Variants in TMEM232 observed in about 807,000 individuals in gnomAD.
TMEM232 encodes transmembrane protein 232.
In TMEM232, 80 loss-of-function variants were observed where a neutral mutation model predicts 78.8. The ratio of observed to expected loss-of-function variants is 1.01; its 90% CI spans 0.85 to 1.22. TMEM232 has a LOEUF of 1.22. Among genes scored for constraint, TMEM232 ranks in the 50% most tolerant of loss-of-function variants. The pLI, the probability that TMEM232 is intolerant of heterozygous loss-of-function variation, is 0.00. For synonymous variants in TMEM232, 297 were observed against 254.3 expected (o/e 1.17, Z -1.60); for missense variants, 881 against 742.2 (o/e 1.19, Z -2.17).
chr5:110,709,630 T>TA (rs1375372191), intron 1 of TMEM232, among the ~76,000 whole-genome samples: 3 of 152,014 alleles, frequency 2.0e-5, no homozygotes, highest in African/African-American at 7.2e-5. Flanking sequence ...CGCACCTGAA[T>TA]AACAAGTGGG....
intron 10 of TMEM232, among the ~76,000 whole-genome samples, chr5:110,597,845 C>T (rs1780368560): frequency 6.6e-6 from 1 of 152,142 alleles, no homozygotes; most frequent in Non-Finnish European, 1.5e-5. Flanking sequence ...CTTCCCTACA[C>T]CTTATACAAA....
chr5:110,532,591 T>C lies in TMEM232; in HGVS notation c.1456-3756A>G, dbSNP rs185047363. On this transcript the variant is annotated intron_variant, in intron 11 of 13. Coordinates refer to ENST00000455884, the MANE Select transcript of TMEM232 (RefSeq NM_001039763.4). ...CTTTTTAGTATCCCCACCTGCCCAG[T>C]TCCCTTATTAGGCTGAGACACTTTT... Among the ~76,000 whole-genome samples, 20 of 152,056 alleles carry C rather than the reference T, an allele frequency of 1.3e-4. No individual in the cohort carries two copies. The South Asian group carries it at 1.5e-3, about 11-fold the overall frequency.
intron 10 of TMEM232, among the ~76,000 whole-genome samples, chr5:110,599,807 C>T (rs1244672294): frequency 6.6e-6 from 1 of 152,060 alleles, no homozygotes; most frequent in East Asian, 1.9e-4. Flanking sequence ...CAGCTCTGGA[C>T]CAAGTGGACC....
At chr5:110,527,394 C>T (rs1369261685) in intron 12 of TMEM232, among the ~76,000 whole-genome samples, 8 of 151,740 alleles carry the variant, frequency 5.3e-5, no homozygotes, top group Non-Finnish European at 1.2e-4. Context: ...ATTTAAAACG[C>T]TTGATAATAC....
At chr5:110,530,741 G>A (rs188047480) in intron 11 of TMEM232, among the ~76,000 whole-genome samples, 2 of 152,270 alleles carry the variant, frequency 1.3e-5, no homozygotes, top group Admixed American at 1.3e-4. Flanking sequence ...CTGGGGAGAT[G>A]TTGGTCAAAA....
intron 2 of TMEM232, among the ~76,000 whole-genome samples, chr5:110,403,604 G>A (rs747108734): frequency 1.3e-5 from 2 of 152,084 alleles, no homozygotes; most frequent in African/African-American, 4.8e-5. Context: ...TTTGTTAGAA[G>A]CAGGGGAATT....
chr5:110,657,770 T>C (rs2150088419), intron 2 of TMEM232, among the ~76,000 whole-genome samples: 1 of 152,244 alleles, frequency 6.6e-6, no homozygotes, highest in South Asian at 2.1e-4. Flanking sequence ...CACGAAGAAA[T>C]AATACATGTT....
At chr5:110,498,715 A>G (rs1234319104) in intron 12 of TMEM232, among the ~76,000 whole-genome samples, 1 of 152,284 alleles carries the variant, frequency 6.6e-6, no homozygotes, top group Admixed American at 6.5e-5. Flanking sequence ...TTACAAGTGT[A>G]TTGCTTTAGG....
intron 1 of TMEM232, among the ~76,000 whole-genome samples, chr5:110,696,956 T>A (rs978236833): frequency 6.6e-6 from 1 of 152,088 alleles, no homozygotes; most frequent in Non-Finnish European, 1.5e-5. Flanking sequence ...ACTTTAAAGT[T>A]CATATGGAAC....
chr5:110,712,105 C>CAAAAA (rs61482697), intron 1 of TMEM232, among the ~76,000 whole-genome samples: 8 of 65,380 alleles, frequency 1.2e-4, no homozygotes, highest in Non-Finnish European at 1.4e-4. Flanking sequence ...GACTCAATCT[C>CAAAAA]AAAAAAAAAA....
rs942868050 is a variant in TMEM232, at chr5:110,498,933, G to A, written c.1703+29655C>T. ...TATAACTAAAGTCATAACTCTTCAC[G>A]GAGTTACTGGAATCCAAAGTCTCTA... On this transcript the variant is annotated intron_variant, in intron 12 of 13. Coordinates refer to ENST00000455884, the MANE Select transcript of TMEM232 (RefSeq NM_001039763.4). 7.2e-5 allele frequency among the ~76,000 whole-genome samples: 11 copies of A among 152,056 alleles called. No homozygotes were observed. The South Asian group carries it at 1.2e-3, about 17-fold the overall frequency.
intron 12 of TMEM232, among the ~76,000 whole-genome samples, chr5:110,501,718 G>C (rs116066123): frequency 0.011 from 1,619 of 152,056 alleles, 22 homozygotes; most frequent in Middle Eastern, 0.014. Flanking sequence ...GGGCCTTCAA[G>C]AGATCTCCAC....
chr5:110,657,117 A>G (rs1789184331), intron 2 of TMEM232, among the ~76,000 whole-genome samples: 2 of 152,200 alleles, frequency 1.3e-5, no homozygotes, highest in African/African-American at 2.4e-5. Context: ...AAAGTAACAA[A>G]TAGAAGAAAA....
chr5:110,389,275 A>G (rs1233810970), intron 4 of TMEM232, among the ~76,000 whole-genome samples: 1 of 151,944 alleles, frequency 6.6e-6, no homozygotes, highest in African/African-American at 2.4e-5. Context: ...AAACAAACAA[A>G]ACAAAACAAA....
intron 10 of TMEM232, among the ~76,000 whole-genome samples, chr5:110,585,331 A>G (rs1426842992): frequency 6.6e-6 from 1 of 152,150 alleles, no homozygotes; most frequent in Non-Finnish European, 1.5e-5. Context: ...AAGAGTAGCA[A>G]TGTTTTCCCT....
chr5:110,490,169 G>T (rs570635239), intron 12 of TMEM232, among the ~76,000 whole-genome samples: 8 of 129,686 alleles, frequency 6.2e-5, no homozygotes, highest in South Asian at 2.2e-4. Flanking sequence ...AAGAAAGAAA[G>T]AAAGAAAGAA....
At chr5:110,525,143 C>A (rs1241499021) in intron 12 of TMEM232, among the ~76,000 whole-genome samples, 1 of 150,176 alleles carries the variant, frequency 6.7e-6, no homozygotes, top group Non-Finnish European at 1.5e-5. Context: ...CTGGAAAACA[C>A]TAGAAGATTT....
At chr5:110,477,089 T>C (rs1763335075) in intron 12 of TMEM232, among the ~76,000 whole-genome samples, 1 of 152,030 alleles carries the variant, frequency 6.6e-6, no homozygotes, top group African/African-American at 2.4e-5. Context: ...ACCTGAGGCC[T>C]GTTTCAGATG....
At position 110,659,669 on chromosome 5, in the gene TMEM232, A is replaced by G. The variant is rs565917165; in HGVS notation, c.125+7559T>C. Among the ~76,000 whole-genome samples, 4 of 152,300 alleles carry G rather than the reference A, an allele frequency of 2.6e-5. No individual in the cohort carries two copies. The South Asian group carries it at 8.3e-4, about 32-fold the overall frequency. The stretch of plus-strand genomic sequence containing the variant: ...ATAATCAGACACATATTATAAAATT[A>G]TCATGCTCATCCCACCACATGCTTA... On this transcript the variant is annotated intron_variant, in intron 2 of 13. Coordinates refer to ENST00000455884, the MANE Select transcript of TMEM232 (RefSeq NM_001039763.4).
Sources: allele counts gnomAD v4.1 joint callset (sites outside exome capture counted in the v4.1 genomes callset), GRCh38; gene constraint gnomAD v4.1.1; transcripts MANE v1.5; gene names NCBI Gene and HGNC (gene_info 2026-07-23, HGNC 2026-07-21).